Variants in POU2F1 observed in about 807,000 individuals in gnomAD.
POU2F1 encodes POU class 2 homeobox 1.
Under a neutral mutation model 84.9 loss-of-function variants are expected in POU2F1, and 16 were observed. The ratio of observed to expected loss-of-function variants is 0.19; its 90% CI spans 0.13 to 0.29. The LOEUF (loss-of-function observed/expected upper bound fraction) is 0.29. Among genes scored for constraint, POU2F1 ranks in the 10% least tolerant of loss-of-function variants. The probability of loss-of-function intolerance (pLI) is 1.00; values close to 1 mark genes in which losing one functional copy is unlikely to be tolerated. For synonymous variants in POU2F1, 368 were observed against 368.3 expected (o/e 1.00, Z 0.01); for missense variants, 738 against 942.6 (o/e 0.78, Z 2.84).
At chr1:167,393,029 G>A (rs1234526204) in intron 9 of POU2F1, among the ~76,000 whole-genome samples, 4 of 152,012 alleles carry the variant, frequency 2.6e-5, no homozygotes, top group African/African-American at 9.7e-5. Flanking sequence ...GATTACCATG[G>A]CTGTCTTTGC....
chr1:167,386,756 C>T (rs1414445305), intron 8 of POU2F1, among the ~76,000 whole-genome samples: 2 of 152,166 alleles, frequency 1.3e-5, no homozygotes, highest in Non-Finnish European at 2.9e-5. Flanking sequence ...CATTATACTA[C>T]ATGAAAGAAG....
At chr1:167,296,026 C>CT (rs34536599) in intron 1 of POU2F1, among the ~76,000 whole-genome samples, 8,009 of 146,640 alleles carry the variant, frequency 0.055, 313 homozygotes, top group African/African-American at 0.11. Flanking sequence ...AAGTAGAAAA[C>CT]TTTTTTTTTT....
intron 1 of POU2F1, among the ~76,000 whole-genome samples, chr1:167,284,435 T>C (rs1465184134): frequency 1.3e-5 from 2 of 152,070 alleles, no homozygotes; most frequent in Non-Finnish European, 2.9e-5. Flanking sequence ...TTACATTGTT[T>C]TGCTGAACTT....
At chr1:167,384,162 A>C (rs1001292280) in intron 8 of POU2F1, among the ~76,000 whole-genome samples, 2 of 152,220 alleles carry the variant, frequency 1.3e-5, no homozygotes, top group African/African-American at 4.8e-5. Flanking sequence ...ATGTTCTTAA[A>C]GAATAACTGC....
At chr1:167,316,816 C>A (rs1030491178) in intron 1 of POU2F1, among the ~76,000 whole-genome samples, 7 of 152,120 alleles carry the variant, frequency 4.6e-5, no homozygotes, top group Admixed American at 1.3e-4. Flanking sequence ...CAAAACAAGG[C>A]TTATTTTTTC....
At chr1:167,220,982 A>G in intron 1 of POU2F1, 24 bp downstream of exon 1, 1 of 1,526,770 alleles carries the variant, frequency 6.5e-7, no homozygotes, top group Admixed American at 2.0e-5. Context: ...CATTTTACAT[A>G]TTCATATTCA....
intron 10 of POU2F1, 43 bp from the exon 11 acceptor site, chr1:167,397,951 G>A: frequency 7.0e-6 from 11 of 1,573,736 alleles, no homozygotes; most frequent in Non-Finnish European, 9.5e-6. Context: ...ATGAATCACT[G>A]TGCTCAGCTA....
intron 1 of POU2F1, among the ~76,000 whole-genome samples, chr1:167,273,554 G>T (rs1363434546): frequency 1.3e-5 from 2 of 152,254 alleles, no homozygotes; most frequent in Non-Finnish European, 2.9e-5. Flanking sequence ...CCACGTGGAA[G>T]CTGCCAAGGC....
At position 167,224,788 on chromosome 1, in the gene POU2F1, T is replaced by TC. The variant is rs1451632784; in HGVS notation, c.61+3832dup. On this transcript the variant is annotated intron_variant, in intron 1 of 15. Coordinates refer to ENST00000367866, the MANE Select transcript of POU2F1 (RefSeq NM_002697.4). ...CTCCTTTTGCATCTGTCAAGTAGTT[T>TC]CCTGCGTATTTCTAGGAAATCCATT... is the stretch of plus-strand genomic sequence containing the variant. Among the ~76,000 whole-genome samples, 13 of 151,806 alleles carry TC rather than the reference T, an allele frequency of 8.6e-5. No individual in the cohort carries two copies. The East Asian group carries it at 2.5e-3, about 29-fold the overall frequency.
chr1:167,393,495 CTTAT>C (rs1335459399), intron 9 of POU2F1, among the ~76,000 whole-genome samples: 3 of 151,788 alleles, frequency 2.0e-5, no homozygotes, highest in Admixed American at 6.6e-5. Context: ...ATTTTATTTA[CTTAT>C]TTATTTATTT....
At position 167,399,004 on chromosome 1, in the gene POU2F1, A is replaced by G. The variant is rs557103552; in HGVS notation, c.1270-182A>G. Reference sequence around the variant, plus strand: ...GATAACTTATCCTAAGTTAATATGAATAAGTTTAATAGGTGTATGTTCATT... The same window carrying G: ...GATAACTTATCCTAAGTTAATATGAGTAAGTTTAATAGGTGTATGTTCATT... On this transcript the variant is annotated intron_variant, in intron 11 of 15. Coordinates refer to ENST00000367866, the MANE Select transcript of POU2F1 (RefSeq NM_002697.4). Among the ~76,000 whole-genome samples, 3 of 152,366 alleles carry G rather than the reference A, an allele frequency of 2.0e-5. No individual in the cohort carries two copies. In the East Asian group the frequency reaches 5.8e-4, roughly 29 times the overall value.
chr1:167,391,537 TTA>T (rs1005894585), intron 9 of POU2F1, among the ~76,000 whole-genome samples: 1 of 150,602 alleles, frequency 6.6e-6, no homozygotes, highest in African/African-American at 2.4e-5. Flanking sequence ...AAGAACACAT[TTA>T]TATATATCTT....
intron 13 of POU2F1, among the ~76,000 whole-genome samples, chr1:167,408,479 G>A (rs1169866461): frequency 6.6e-6 from 1 of 151,858 alleles, no homozygotes. Flanking sequence ...ACTGGTGAAT[G>A]AATAAACAAA....
At chr1:167,383,708 G>A in intron 7 of POU2F1, 149 bp from the exon 8 acceptor site, 1 of 615,792 alleles carries the variant, frequency 1.6e-6, no homozygotes. Flanking sequence ...TTGAATGTAA[G>A]GCAAATAAGA....
intron 1 of POU2F1, among the ~76,000 whole-genome samples, chr1:167,327,153 T>C: frequency 6.6e-6 from 1 of 152,194 alleles, no homozygotes; most frequent in South Asian, 2.1e-4. Flanking sequence ...AAATATTAAA[T>C]AAGATTGATG....
intron 1 of POU2F1, among the ~76,000 whole-genome samples, chr1:167,252,910 A>G (rs1650838311): frequency 6.6e-6 from 1 of 152,228 alleles, no homozygotes; most frequent in African/African-American, 2.4e-5. Flanking sequence ...TTCTATGCCC[A>G]AAGACTGTGC....
In POU2F1 at chr1:167,378,302, C is replaced by A. The variant is rs148979391; in HGVS notation, c.718+2147C>A. Reference sequence around the variant, plus strand: ...CCAGGCTGGAGTGCAATGGCACGATCTCGGCCCACCGCAACCTCCGCCTCC... The same window carrying A: ...CCAGGCTGGAGTGCAATGGCACGATATCGGCCCACCGCAACCTCCGCCTCC... On this transcript the variant is annotated intron_variant, in intron 7 of 15. Transcript: ENST00000367866. Among the ~76,000 whole-genome samples the A allele has an allele frequency of 6.8e-3, 1,023 of 151,328 alleles. 7 individuals are homozygous for A. Among genetic ancestry groups the A allele is most frequent in the African/African-American group, 0.024 (971 of 41,228 alleles).
intron 1 of POU2F1, among the ~76,000 whole-genome samples, chr1:167,271,341 A>C (rs1013023288): frequency 6.6e-6 from 1 of 152,214 alleles, no homozygotes; most frequent in African/African-American, 2.4e-5. Flanking sequence ...AGAGATTTTA[A>C]ACATTAAATG....
Position 167,398,015 on chromosome 1 carries a change from C to T in POU2F1, c.1151C>T (p.Ser384Phe). ...NDAENLSSDS[S>F]LSSPSALNSP... ...ACAGAGAACCTCTCATCTGATTCGT[C>T]CCTCTCCAGCCCAAGTGCCCTGAAT... Residue 384 changes from serine to phenylalanine, a missense_variant, in exon 11 of 16, where the codon TCC becomes TTC. Ser to Phe is a radical substitution (Grantham distance 155). Around this residue, in one of 4 missense-constraint regions of POU2F1, gnomAD observed 95 missense variants for 195.1 expected, o/e 0.49. Transcript: ENST00000367866. 1.2e-6 allele frequency: 2 copies of T among 1,613,626 alleles called. No individual in the cohort carries two copies. Among genetic ancestry groups the T allele is most frequent in the South Asian group, 2.2e-5 (2 of 91,006 alleles).
Sources: gnomAD v4.1 joint callset for allele counts (sites outside exome capture counted in the v4.1 genomes callset) on GRCh38, gnomAD v4.1.1 for gene constraint, gnomAD v4.1.1 regional missense constraint, MANE v1.5 for transcripts, NCBI Gene and HGNC (gene_info 2026-07-23, HGNC 2026-07-21) for gene names.